The following FRMD5 variants were observed in gnomAD, a reference collection of about 807,000 sequenced individuals.
The protein encoded by FRMD5 is FERM domain-containing protein 5.
Under a neutral mutation model 69.0 loss-of-function variants are expected in FRMD5, and 20 were observed. The observed-to-expected ratio is 0.29, with a 90% CI of 0.20 to 0.42. FRMD5 has a LOEUF of 0.42. FRMD5 is among the 10% of genes least tolerant of loss of function. The pLI is 1.00. For missense variants in FRMD5, 595 were observed against 708.6 expected (o/e 0.84, Z 1.82); for synonymous variants, 271 against 260.1 (o/e 1.04, Z -0.40).
chr15:44,040,561 A>T (rs558424629), intron 1 of FRMD5, among the ~76,000 whole-genome samples: 1 of 152,316 alleles, frequency 6.6e-6, no homozygotes, highest in East Asian at 1.9e-4. Context: ...TATCCAGCCA[A>T]ATTAAGCTTC....
At chr15:43,927,945 C>T (rs545735306) in intron 1 of FRMD5, among the ~76,000 whole-genome samples, 5 of 152,224 alleles carry the variant, frequency 3.3e-5, no homozygotes, top group East Asian at 3.9e-4. Flanking sequence ...TCATGGGCTG[C>T]GAGTTCAGAT....
chr15:44,186,222 C>T (rs550023840), intron 1 of FRMD5, among the ~76,000 whole-genome samples: 3 of 152,286 alleles, frequency 2.0e-5, no homozygotes, highest in Non-Finnish European at 4.4e-5. Context: ...CCACCGCACC[C>T]GGCCTTTCTT....
At chr15:44,143,385 T>C (rs1409455268) in intron 1 of FRMD5, among the ~76,000 whole-genome samples, 2 of 151,830 alleles carry the variant, frequency 1.3e-5, no homozygotes, top group Admixed American at 6.6e-5. Context: ...GACACAAACT[T>C]TTCACTTGGG....
chr15:43,898,515 G>A (rs2088968671), intron 7 of FRMD5, among the ~76,000 whole-genome samples: 2 of 152,218 alleles, frequency 1.3e-5, no homozygotes, highest in South Asian at 4.1e-4. Flanking sequence ...ACAAGGCTGG[G>A]CATCTGTAAC....
At chr15:44,010,583 C>T (rs1002336261) in intron 1 of FRMD5, among the ~76,000 whole-genome samples, 2 of 152,038 alleles carry the variant, frequency 1.3e-5, no homozygotes, top group African/African-American at 2.4e-5. Context: ...CAGGGTTTCA[C>T]CATGTTGGCC....
chr15:44,000,999 T>C (rs540648574), intron 1 of FRMD5, among the ~76,000 whole-genome samples: 1 of 152,096 alleles, frequency 6.6e-6, no homozygotes, highest in Non-Finnish European at 1.5e-5. Context: ...TATACTAATT[T>C]ACATTCCCAT....
intron 1 of FRMD5, among the ~76,000 whole-genome samples, chr15:44,182,014 CTTT>C (rs11291925): frequency 7.0e-6 from 1 of 142,252 alleles, no homozygotes; most frequent in African/African-American, 2.6e-5. Context: ...TTTACATTTG[CTTT>C]TTTTTTTTTT....
At chr15:43,889,660 T>C (rs571596559) in intron 8 of FRMD5, among the ~76,000 whole-genome samples, 44 of 152,286 alleles carry the variant, frequency 2.9e-4, no homozygotes, top group African/African-American at 1.1e-3. Context: ...CAGCCTTGGT[T>C]ACATTTGCAA....
At chr15:44,062,367 T>C (rs1234727526) in intron 1 of FRMD5, among the ~76,000 whole-genome samples, 1 of 152,076 alleles carries the variant, frequency 6.6e-6, no homozygotes, top group Non-Finnish European at 1.5e-5. Context: ...ACACGGTCTT[T>C]CTGAAGAAGT....
chr15:43,986,668 A>G (rs1889407883), intron 1 of FRMD5, among the ~76,000 whole-genome samples: 1 of 152,174 alleles, frequency 6.6e-6, no homozygotes, highest in Non-Finnish European at 1.5e-5. Flanking sequence ...TTTTCTCAGT[A>G]TCATAAACTA....
chr15:43,888,124 C>T, intron 10 of FRMD5, 51 bp downstream of exon 10: 1 of 1,439,786 alleles, frequency 6.9e-7, no homozygotes, highest in Non-Finnish European at 9.7e-7. Context: ...CACCGACTCT[C>T]TCTGACTCTG....
chr15:44,112,264 A>G (rs1459141516), intron 1 of FRMD5, among the ~76,000 whole-genome samples: 1 of 152,246 alleles, frequency 6.6e-6, no homozygotes, highest in Non-Finnish European at 1.5e-5. Context: ...GTGAACTTAT[A>G]CTAGAAGTTT....
intron 1 of FRMD5, among the ~76,000 whole-genome samples, chr15:44,140,689 G>A (rs1330903517): frequency 1.3e-5 from 2 of 151,654 alleles, no homozygotes; most frequent in African/African-American, 4.8e-5. Context: ...GACCAGTCTG[G>A]GCAACATGGC....
At chr15:44,134,289 A>G (rs1367280666) in intron 1 of FRMD5, among the ~76,000 whole-genome samples, 1 of 152,112 alleles carries the variant, frequency 6.6e-6, no homozygotes, top group Non-Finnish European at 1.5e-5. Flanking sequence ...AAATACTTAC[A>G]AAAGAATATC....
intron 1 of FRMD5, among the ~76,000 whole-genome samples, chr15:44,169,028 G>A (rs1344221056): frequency 2.0e-5 from 3 of 152,076 alleles, no homozygotes; most frequent in Non-Finnish European, 2.9e-5. Context: ...CTGTGTTCAC[G>A]TGCAATCATT....
intron 1 of FRMD5, among the ~76,000 whole-genome samples, chr15:44,128,754 G>T (rs1035867715): frequency 2.6e-5 from 4 of 151,802 alleles, no homozygotes; most frequent in Non-Finnish European, 5.9e-5. Flanking sequence ...CCTTTAAACT[G>T]AAGATGATAG....
At chr15:43,908,675 G>A (rs921571487) in intron 5 of FRMD5, among the ~76,000 whole-genome samples, 8 of 152,148 alleles carry the variant, frequency 5.3e-5, no homozygotes, top group Admixed American at 5.2e-4. Flanking sequence ...CTAGGAAGCG[G>A]CACTTAAGTG....
intron 1 of FRMD5, among the ~76,000 whole-genome samples, chr15:44,003,605 T>C (rs752974682): frequency 7.2e-5 from 11 of 152,188 alleles, no homozygotes; most frequent in Non-Finnish European, 8.8e-5. Flanking sequence ...ATAATCTTAT[T>C]TATGCCCTTG....
chr15:44,000,281 C>T (rs939053498), intron 1 of FRMD5, among the ~76,000 whole-genome samples: 1 of 151,946 alleles, frequency 6.6e-6, no homozygotes, highest in African/African-American at 2.4e-5. Flanking sequence ...GCCACTGCAC[C>T]TCACCCTACC....
Sources: allele counts gnomAD v4.1 joint callset (sites outside exome capture counted in the v4.1 genomes callset), GRCh38; gene constraint gnomAD v4.1.1; transcripts MANE v1.5; gene names NCBI Gene and HGNC (gene_info 2026-07-23, HGNC 2026-07-21).